The following SLC3A1 variants were observed in gnomAD, a reference collection of about 807,000 sequenced individuals.
The protein encoded by SLC3A1 is amino acid transporter heavy chain SLC3A1.
In SLC3A1, 78 loss-of-function variants were observed where a neutral mutation model predicts 60.3. The ratio of observed to expected loss-of-function variants is 1.29; its 90% CI spans 1.08 to 1.56. The LOEUF is 1.56. Among genes scored for constraint, SLC3A1 ranks in the 40% most tolerant of loss-of-function variants. The probability of loss-of-function intolerance (pLI) is 0.00; values close to 1 mark genes in which losing one functional copy is unlikely to be tolerated. For missense variants in SLC3A1, 1,172 were observed against 858.9 expected (o/e 1.36, Z -4.56); for synonymous variants, 392 against 307.9 (o/e 1.27, Z -2.86).
intron 9 of SLC3A1, chr2:44,318,180 T>C: frequency 2.3e-6 from 1 of 432,218 alleles, no homozygotes; most frequent in Non-Finnish European, 4.6e-6. Flanking sequence ...AGCCTCTGCT[T>C]CCTGGGTTCA....
At chr2:44,276,536 G>C (rs534645754) in intron 1 of SLC3A1, among the ~76,000 whole-genome samples, 1 of 152,230 alleles carries the variant, frequency 6.6e-6, no homozygotes, top group South Asian at 2.1e-4. Context: ...ATTAAGGATT[G>C]TTTAAAACCA....
chr2:44,281,617 T>A, intron 3 of SLC3A1, 76 bp downstream of exon 3: 2 of 1,372,380 alleles, frequency 1.5e-6, no homozygotes, highest in African/African-American at 2.9e-5. Flanking sequence ...AGTAAAACCC[T>A]TTTGAGGGAA....
At chr2:44,301,162 G>A in intron 6 of SLC3A1, 35 bp downstream of exon 6, 1 of 1,613,890 alleles carries the variant, frequency 6.2e-7, no homozygotes, top group Non-Finnish European at 8.5e-7. Flanking sequence ...TTCTTCCCAG[G>A]CTTAGTGTGT....
rs1166617297 is a variant in SLC3A1, at chr2:44,280,814, G to T, written c.529G>T (p.Val177Phe). The T allele has an allele frequency of 1.2e-6, 2 of 1,613,670 alleles. No individual in the cohort carries two copies. The highest frequency in any genetic ancestry group is 3.3e-5 in the Admixed American group (2 of 60,006). The change falls in exon 2 of 10, where the codon GTT becomes TTT. Residue 177 changes from valine (V) to phenylalanine (F), a missense_variant. Val to Phe is a conservative substitution (Grantham distance 50, BLOSUM62 -1). Transcript: ENST00000260649. ...GTCCCTTAAAGATTTCAGATATGGT[G>T]TTGAAGATTTCCGGGAAGTTGATCC... ...KSSLKDFRYGVEDFREVDPIF... is the reference protein window; with the variant it reads ...KSSLKDFRYGFEDFREVDPIF...
chr2:44,317,447 G>A (rs1416596175), intron 9 of SLC3A1, among the ~76,000 whole-genome samples: 1 of 116,240 alleles, frequency 8.6e-6, no homozygotes, highest in East Asian at 2.0e-4. Flanking sequence ...GGGCAACAGA[G>A]GGAGATTGTG....
chr2:44,275,785 A>G lies in SLC3A1; in HGVS notation c.250A>G (p.Ile84Val), dbSNP rs562257866. 3 of 1,614,256 alleles carry G rather than the reference A, an allele frequency of 1.9e-6. No individual in the cohort carries two copies. Among genetic ancestry groups the G allele is most frequent in the Non-Finnish European group, 1.7e-6 (2 of 1,180,044 alleles). Residue 84 changes from isoleucine to valine, a missense_variant, in exon 1 of 10, where the codon ATA becomes GTA. Physicochemically the swap from Ile to Val is conservative, Grantham distance 29 (BLOSUM62 3). Coordinates refer to ENST00000260649, the MANE Select transcript of SLC3A1 (RefSeq NM_000341.4). ...GTTCTCTGGCCAGGCCCGCTACCGCATACCTCGGGAGATCCTCTTCTGGCT... is the reference window on the plus strand; with the variant it reads ...GTTCTCTGGCCAGGCCCGCTACCGCGTACCTCGGGAGATCCTCTTCTGGCT... ...FQFSGQARYR[I>V]PREILFWLTV...
chr2:44,304,660 C>A (rs979666366), intron 7 of SLC3A1, among the ~76,000 whole-genome samples: 1 of 152,034 alleles, frequency 6.6e-6, no homozygotes, highest in South Asian at 2.1e-4. Context: ...AAGAGGATTT[C>A]GGGTGTAGAA....
At chr2:44,296,857 G>C (rs766200993) in intron 4 of SLC3A1, among the ~76,000 whole-genome samples, 1 of 152,146 alleles carries the variant, frequency 6.6e-6, no homozygotes. Context: ...TCCTGTTCTC[G>C]TGATAGTGAG....
intron 4 of SLC3A1, among the ~76,000 whole-genome samples, chr2:44,296,257 C>CAGCT (rs2104356613): frequency 6.6e-6 from 1 of 152,292 alleles, no homozygotes; most frequent in East Asian, 1.9e-4. Context: ...TCCTTTGTCT[C>CAGCT]AGCTGTGATT....
At chr2:44,300,976 G>A (rs2104364069) in intron 5 of SLC3A1, 27 bp from the exon 6 acceptor site, 1 of 1,613,070 alleles carries the variant, frequency 6.2e-7, no homozygotes, top group Non-Finnish European at 8.5e-7. Context: ...TGAAATGAGG[G>A]TAACCATGTC....
At position 44,320,565 on chromosome 2, in the gene SLC3A1, T is replaced by C. The variant is rs1345431062; in HGVS notation, c.1984T>C (p.Phe662Leu). 6.2e-7 allele frequency: 1 copy of C among 1,614,040 alleles called. No homozygotes were observed. The highest frequency in any genetic ancestry group is 1.3e-5 in the African/African-American group (1 of 75,034). ...TKNLLHRQTA[F>L]RDRCFVSNRA... ...GAATCTCCTTCATCGCCAAACAGCT[T>C]TCAGAGATAGATGCTTTGTTTCCAA... Residue 662 changes from phenylalanine to leucine, a missense_variant, in exon 10 of 10, where the codon TTC (phenylalanine) becomes CTC (leucine). By Grantham distance (22) the Phe-to-Leu change is conservative. Coordinates refer to ENST00000260649, the MANE Select transcript of SLC3A1 (RefSeq NM_000341.4).
In SLC3A1 at chr2:44,280,752, A is replaced by G. The variant is rs201446838; in HGVS notation, c.467A>G (p.Asn156Ser). ...AAACTGGACTACATCACAGCTTTAA[A>G]TATAAAAACTGTTTGGATTACTTCA... ...QDKLDYITALNIKTVWITSFY... is the reference protein window; with the variant it reads ...QDKLDYITALSIKTVWITSFY... The change falls in exon 2 of 10, where the codon AAT becomes AGT. Residue 156 changes from asparagine to serine, a missense_variant. Physicochemically the swap from Asn to Ser is conservative, Grantham distance 46 (BLOSUM62 1). Transcript: ENST00000260649. 1.9e-6 allele frequency: 3 copies of G among 1,610,642 alleles called. No homozygotes were observed. Among genetic ancestry groups the G allele is most frequent in the East Asian group, 2.2e-5 (1 of 44,842 alleles).
intron 6 of SLC3A1, among the ~76,000 whole-genome samples, chr2:44,301,629 C>T (rs1290955722): frequency 6.7e-6 from 1 of 148,562 alleles, no homozygotes; most frequent in African/African-American, 2.5e-5. Flanking sequence ...ATCCCAGCTA[C>T]TTGGGAGGCT....
chr2:44,321,731 T>C (rs768324233), downstream of SLC3A1: 33 of 1,606,216 alleles, frequency 2.1e-5, no homozygotes, highest in African/African-American at 3.9e-4. Context: ...ATTTGTGAAG[T>C]GGCTTTGTCA....
intron 9 of SLC3A1, chr2:44,319,188 C>G (rs1412542166): frequency 2.6e-5 from 4 of 152,590 alleles, no homozygotes; most frequent in Admixed American, 2.0e-4. Flanking sequence ...TATTGGGAAC[C>G]TACCCCTAAA....
intron 6 of SLC3A1, among the ~76,000 whole-genome samples, chr2:44,301,666 G>T (rs1401831565): frequency 1.4e-5 from 2 of 141,586 alleles, no homozygotes; most frequent in African/African-American, 2.7e-5. Context: ...TTGAACCCGG[G>T]AAGCAGAGGT....
At chr2:44,295,069 C>T (rs1454795598) in intron 4 of SLC3A1, among the ~76,000 whole-genome samples, 1 of 152,056 alleles carries the variant, frequency 6.6e-6, no homozygotes, top group Non-Finnish European at 1.5e-5. Flanking sequence ...TCTATCATCC[C>T]ATGTAAGAGT....
chr2:44,288,302 A>C (rs1001279227), intron 4 of SLC3A1, among the ~76,000 whole-genome samples: 5 of 152,192 alleles, frequency 3.3e-5, no homozygotes, highest in Admixed American at 1.3e-4. Flanking sequence ...CTGGGATTAC[A>C]GGTATGAGCC....
intron 6 of SLC3A1, 111 bp from the exon 7 acceptor site, chr2:44,304,029 TTAA>T: frequency 1.2e-6 from 1 of 826,998 alleles, no homozygotes; most frequent in Non-Finnish European, 2.1e-6. Context: ...TCCTATATGG[TTAA>T]TAGTGTGCAT....
Sources: gnomAD v4.1 joint callset for allele counts (sites outside exome capture counted in the v4.1 genomes callset) on GRCh38, gnomAD v4.1.1 for gene constraint, MANE v1.5 for transcripts, NCBI Gene and HGNC (gene_info 2026-07-23, HGNC 2026-07-21) for gene names.